Variants in KCNJ6 observed in about 807,000 individuals in gnomAD.
KCNJ6 encodes the protein G protein-activated inward rectifier potassium channel 2.
In KCNJ6, 9 loss-of-function variants were observed where a neutral mutation model predicts 34.2. The ratio of observed to expected loss-of-function variants is 0.26; its 90% CI spans 0.16 to 0.46. The LOEUF (loss-of-function observed/expected upper bound fraction) is 0.46, where lower values mean the gene tolerates loss of function less well. Among genes scored for constraint, KCNJ6 ranks in the 20% least tolerant of loss-of-function variants. The pLI is 1.00. For missense variants in KCNJ6, 236 were observed against 531.3 expected (o/e 0.44, Z 5.46); for synonymous variants, 196 against 207.1 (o/e 0.95, Z 0.46).
chr21:37,634,854 G>T (rs1470995170), intron 3 of KCNJ6, among the ~76,000 whole-genome samples: 1 of 151,504 alleles, frequency 6.6e-6, no homozygotes, highest in African/African-American at 2.4e-5. Context: ...TCCCTCCTGG[G>T]TTCAAGTGAT....
intron 3 of KCNJ6, among the ~76,000 whole-genome samples, chr21:37,661,242 A>T (rs563614261): frequency 6.6e-6 from 1 of 152,340 alleles, no homozygotes; most frequent in South Asian, 2.1e-4. Flanking sequence ...TGAGAATGTG[A>T]CTGTCTATAA....
Position 37,616,011 on chromosome 21 carries a change from G to T in KCNJ6, c.*9148C>A, listed in dbSNP as rs1013805160. ...AATACCCCAGACCTGGCGTGCGGAG[G>T]GAGCTCCTGTGTGCTGGGTCCTACT... On this transcript the variant is annotated 3_prime_UTR_variant, in exon 4 of 4. Coordinates refer to ENST00000609713, the MANE Select transcript of KCNJ6 (RefSeq NM_002240.5). 2 of 152,228 alleles carry T rather than the reference G, an allele frequency of 1.3e-5. No homozygotes were observed. The highest frequency in any genetic ancestry group is 4.8e-5 in the African/African-American group (2 of 41,446). The allele number at this position is 152,228 out of a possible 1,614,324, so 9.4% of individuals were successfully genotyped here.
intron 2 of KCNJ6, among the ~76,000 whole-genome samples, chr21:37,747,868 A>C (rs1450890096): frequency 1.3e-5 from 2 of 152,246 alleles, no homozygotes. Flanking sequence ...TGCCAGATAC[A>C]TTTGTGTTGT....
At chr21:37,653,933 T>G (rs1344417545) in intron 3 of KCNJ6, among the ~76,000 whole-genome samples, 2 of 151,278 alleles carry the variant, frequency 1.3e-5, no homozygotes, top group Non-Finnish European at 2.9e-5. Flanking sequence ...TGTGAGAGAG[T>G]CCCACCCCAA....
intron 1 of KCNJ6, among the ~76,000 whole-genome samples, chr21:37,890,194 C>A (rs1370353910): frequency 6.6e-6 from 1 of 152,148 alleles, no homozygotes; most frequent in East Asian, 1.9e-4. Context: ...GAAGAGGAAG[C>A]AAGCACATCC....
intron 3 of KCNJ6, among the ~76,000 whole-genome samples, chr21:37,699,631 C>T (rs1055314133): frequency 1.3e-5 from 2 of 152,172 alleles, no homozygotes; most frequent in African/African-American, 4.8e-5. Context: ...TCTTGGAGTC[C>T]AATCTCCTGG....
intron 1 of KCNJ6, among the ~76,000 whole-genome samples, chr21:37,906,685 C>T (rs1051957576): frequency 6.6e-6 from 1 of 152,240 alleles, no homozygotes; most frequent in South Asian, 2.1e-4. Context: ...AGACCCCCAA[C>T]AGTGGCCAGT....
chr21:37,861,474 C>T (rs2055594599), intron 1 of KCNJ6, among the ~76,000 whole-genome samples: 1 of 152,194 alleles, frequency 6.6e-6, no homozygotes, highest in Non-Finnish European at 1.5e-5. Context: ...TTTAAAGGCT[C>T]TATCTCCAAA....
At chr21:37,855,143 A>G (rs1000010589) in intron 1 of KCNJ6, among the ~76,000 whole-genome samples, 7 of 152,220 alleles carry the variant, frequency 4.6e-5, no homozygotes, top group African/African-American at 1.4e-4. Flanking sequence ...TCTGATCACA[A>G]TGGAATCGAA....
rs772060420 is a variant in KCNJ6, at chr21:37,863,846, G to GTTTTT, written c.-27-23142_-27-23138dup. Among the ~76,000 whole-genome samples, 138 of 97,046 alleles carry GTTTTT rather than the reference G, an allele frequency of 1.4e-3. 17 individuals carry two copies. The highest frequency in any genetic ancestry group is 3.8e-3 in the African/African-American group (87 of 23,078). 63.7% of individuals were successfully genotyped at this position (97,046 alleles called of 152,430 possible). On this transcript the variant is annotated intron_variant, in intron 1 of 3. Transcript: ENST00000609713. ...CTTTAAGCAATTTTAAAATATAAAG[G>GTTTTT]TTTTTTTTTTTTTGTTTTTTTTTTT...
chr21:37,653,692 C>T (rs1399846569), intron 3 of KCNJ6, among the ~76,000 whole-genome samples: 2 of 152,194 alleles, frequency 1.3e-5, no homozygotes, highest in Non-Finnish European at 2.9e-5. Context: ...TCCATCCTGT[C>T]TTCAACCCTG....
chr21:37,740,076 C>T (rs998529248), intron 2 of KCNJ6, among the ~76,000 whole-genome samples: 3 of 152,136 alleles, frequency 2.0e-5, no homozygotes, highest in Non-Finnish European at 4.4e-5. Flanking sequence ...TATTTTAAAA[C>T]GTGTGCCCAA....
chr21:37,842,167 A>T (rs2055484149), intron 1 of KCNJ6, among the ~76,000 whole-genome samples: 1 of 152,142 alleles, frequency 6.6e-6, no homozygotes, highest in South Asian at 2.1e-4. Flanking sequence ...TTTACGGACA[A>T]CTGTAGTGTT....
rs2054262642 is a variant in KCNJ6 at position 37,615,270 on chromosome 21, T to TTTTTTTG, written c.*9888_*9889insCAAAAAA. The TTTTTTTG allele has an allele frequency of 1.0e-5, 1 of 98,768 alleles. No homozygotes were observed. The highest frequency in any genetic ancestry group is 4.1e-5 in the African/African-American group (1 of 24,446). The allele number at this position is 98,768 out of a possible 1,614,324, so 6.1% of individuals were successfully genotyped here. A position where few individuals can be genotyped will look rare whatever the true frequency, so the allele number is the denominator to read the frequency against. ...TTTTTTTTTTTTTTTTTTTTTTTTT[T>TTTTTTTG]GAGACGGAGTCTCGCTCTGTCGCCC... On this transcript the variant is annotated 3_prime_UTR_variant, in exon 4 of 4. Coordinates refer to ENST00000609713, the MANE Select transcript of KCNJ6 (RefSeq NM_002240.5).
In KCNJ6 at chr21:37,624,234, A is replaced by G. The variant is rs1289005016; in HGVS notation, c.*925T>C. 2.0e-5 allele frequency: 3 copies of G among 152,190 alleles called. No individual in the cohort carries two copies. The highest frequency in any genetic ancestry group is 7.2e-5 in the African/African-American group (3 of 41,438). The allele number at this position is 152,190 out of a possible 1,614,324, so 9.4% of individuals were successfully genotyped here. The stretch of plus-strand genomic sequence containing the variant: ...GTTTTGTAACATTTCACAGTATATC[A>G]GCATATTGGTGGTGGGTTTTGCCAT... On this transcript the variant is annotated 3_prime_UTR_variant, in exon 4 of 4. Transcript: ENST00000609713.
chr21:37,702,004 G>A (rs2054693632), intron 3 of KCNJ6, among the ~76,000 whole-genome samples: 1 of 152,006 alleles, frequency 6.6e-6, no homozygotes, highest in Non-Finnish European at 1.5e-5. Flanking sequence ...AGGCTGAGGT[G>A]GGTGGATCAC....
chr21:37,870,345 A>T (rs1878077717), intron 1 of KCNJ6, among the ~76,000 whole-genome samples: 1 of 152,034 alleles, frequency 6.6e-6, no homozygotes. Context: ...TTAAACAGAG[A>T]TCGCAGGAGT....
chr21:37,697,424 G>A (rs1231698419), intron 3 of KCNJ6, among the ~76,000 whole-genome samples: 1 of 152,184 alleles, frequency 6.6e-6, no homozygotes, highest in East Asian at 1.9e-4. Flanking sequence ...AAGCCGGGAA[G>A]AACCTGAGTA....
chr21:37,654,414 TAA>T (rs60672862), intron 3 of KCNJ6, among the ~76,000 whole-genome samples: 2 of 145,534 alleles, frequency 1.4e-5, no homozygotes, highest in African/African-American at 2.5e-5. Flanking sequence ...TGACATTTGG[TAA>T]AAAAAAAAAA....
Sources: allele counts gnomAD v4.1 joint callset (sites outside exome capture counted in the v4.1 genomes callset), GRCh38; gene constraint gnomAD v4.1.1; transcripts MANE v1.5; gene names NCBI Gene and HGNC (gene_info 2026-07-23, HGNC 2026-07-21).